Variants in SLC24A3 observed in about 807,000 individuals in gnomAD.
SLC24A3 encodes the protein sodium/potassium/calcium exchanger 3.
In SLC24A3, 28 loss-of-function variants were observed where a neutral mutation model predicts 75.8. The observed-to-expected ratio is 0.37, with a 90% confidence interval of 0.27 to 0.51. The LOEUF (loss-of-function observed/expected upper bound fraction) is 0.51. SLC24A3 is among the 20% of genes least tolerant of loss of function. The pLI, the probability that SLC24A3 is intolerant of heterozygous loss-of-function variation, is 0.94. For synonymous variants in SLC24A3, 372 were observed against 334.1 expected (o/e 1.11, Z -1.24); for missense variants, 663 against 847.8 (o/e 0.78, Z 2.71).
At chr20:19,545,091 G>T (rs1020104281) in intron 3 of SLC24A3, among the ~76,000 whole-genome samples, 23 of 152,204 alleles carry the variant, frequency 1.5e-4, no homozygotes, top group African/African-American at 5.3e-4. Context: ...CAGCTCTATT[G>T]TTTTGCTTCC....
At chr20:19,485,242 G>T (rs926651743) in intron 2 of SLC24A3, among the ~76,000 whole-genome samples, 1 of 152,150 alleles carries the variant, frequency 6.6e-6, no homozygotes, top group Non-Finnish European at 1.5e-5. Flanking sequence ...AGCCCAGTTT[G>T]CCAACACTGG....
intron 9 of SLC24A3, among the ~76,000 whole-genome samples, chr20:19,676,965 A>C (rs2032531746): frequency 6.6e-6 from 1 of 152,202 alleles, no homozygotes; most frequent in Non-Finnish European, 1.5e-5. Context: ...TCTGCAAAAC[A>C]AGATTAATAA....
intron 2 of SLC24A3, among the ~76,000 whole-genome samples, chr20:19,360,930 C>T (rs1370958815): frequency 2.6e-5 from 4 of 152,088 alleles, no homozygotes; most frequent in East Asian, 1.9e-4. Flanking sequence ...GGGTTCACGC[C>T]GTTCTCCTGC....
chr20:19,672,026 G>C (rs1468567729), intron 8 of SLC24A3, among the ~76,000 whole-genome samples: 3 of 152,122 alleles, frequency 2.0e-5, no homozygotes, highest in Admixed American at 6.5e-5. Flanking sequence ...TCTCCTTTCA[G>C]ATGCTACCAG....
At chr20:19,464,105 T>A (rs1002618986) in intron 2 of SLC24A3, among the ~76,000 whole-genome samples, 1 of 152,202 alleles carries the variant, frequency 6.6e-6, no homozygotes, top group Non-Finnish European at 1.5e-5. Flanking sequence ...TGGAGAAAGG[T>A]GTCATGAAAG....
chr20:19,571,942 T>G (rs1254361390), intron 3 of SLC24A3, among the ~76,000 whole-genome samples: 1 of 152,164 alleles, frequency 6.6e-6, no homozygotes, highest in Non-Finnish European at 1.5e-5. Flanking sequence ...GAAGCAGACC[T>G]TGAGACAAGG....
At chr20:19,631,641 T>C (rs2031934812) in intron 6 of SLC24A3, among the ~76,000 whole-genome samples, 1 of 152,206 alleles carries the variant, frequency 6.6e-6, no homozygotes, top group African/African-American at 2.4e-5. Context: ...GGCATTGTAC[T>C]GCACGTTGCT....
intron 3 of SLC24A3, among the ~76,000 whole-genome samples, chr20:19,532,164 C>T (rs1323558306): frequency 3.3e-5 from 5 of 152,298 alleles, no homozygotes; most frequent in South Asian, 2.1e-4. Context: ...ATCTAGACGA[C>T]GGATCTAAGA....
At chr20:19,486,959 G>A (rs1988135651) in intron 2 of SLC24A3, among the ~76,000 whole-genome samples, 1 of 152,194 alleles carries the variant, frequency 6.6e-6, no homozygotes, top group Non-Finnish European at 1.5e-5. Context: ...CTTCTCTGGA[G>A]GGCAGTTAGA....
At chr20:19,364,667 C>G (rs1235381199) in intron 2 of SLC24A3, among the ~76,000 whole-genome samples, 1 of 152,148 alleles carries the variant, frequency 6.6e-6, no homozygotes, top group East Asian at 1.9e-4. Flanking sequence ...GTTGCCCAGG[C>G]TGGTCTCAAA....
chr20:19,660,150 A>G (rs556841068), intron 7 of SLC24A3, among the ~76,000 whole-genome samples: 1 of 152,122 alleles, frequency 6.6e-6, no homozygotes, highest in Admixed American at 6.5e-5. Context: ...TTTTATTTCA[A>G]TGGCTTTTGA....
At chr20:19,565,858 A>T (rs2030949342) in intron 3 of SLC24A3, among the ~76,000 whole-genome samples, 1 of 152,132 alleles carries the variant, frequency 6.6e-6, no homozygotes, top group African/African-American at 2.4e-5. Flanking sequence ...CTAAATTTGG[A>T]TGAATGCTGA....
intron 6 of SLC24A3, among the ~76,000 whole-genome samples, chr20:19,634,167 T>G (rs978197265): frequency 6.6e-6 from 1 of 152,164 alleles, no homozygotes. Flanking sequence ...GTAGTGGTGT[T>G]TATGTGCTAT....
At chr20:19,239,595 A>G (rs1184808035) in intron 1 of SLC24A3, among the ~76,000 whole-genome samples, 4 of 152,088 alleles carry the variant, frequency 2.6e-5, no homozygotes, top group Non-Finnish European at 5.9e-5. Context: ...TCCTCCATTC[A>G]CTTCAGCTGG....
chr20:19,350,144 A>T (rs1480748800), intron 2 of SLC24A3, among the ~76,000 whole-genome samples: 3 of 152,208 alleles, frequency 2.0e-5, no homozygotes, highest in South Asian at 4.1e-4. Flanking sequence ...TCTGCTATTT[A>T]TAAGGACTGA....
At chr20:19,687,269 C>T (rs1430985990) in intron 12 of SLC24A3, among the ~76,000 whole-genome samples, 2 of 152,184 alleles carry the variant, frequency 1.3e-5, no homozygotes, top group Non-Finnish European at 2.9e-5. Context: ...AGCCACAGAG[C>T]CCCTCCACCT....
At chr20:19,544,674 A>C (rs912231506) in intron 3 of SLC24A3, among the ~76,000 whole-genome samples, 1 of 152,200 alleles carries the variant, frequency 6.6e-6, no homozygotes, top group Non-Finnish European at 1.5e-5. Context: ...GATAACCACC[A>C]GTGCAAAATT....
At chr20:19,494,139 A>G (rs1033108398) in intron 2 of SLC24A3, among the ~76,000 whole-genome samples, 1 of 144,414 alleles carries the variant, frequency 6.9e-6, no homozygotes, top group Non-Finnish European at 1.5e-5. Context: ...ACCAGGCCCC[A>G]TGTGCCCAGC....
At chr20:19,399,416 A>G (rs1986512703) in intron 2 of SLC24A3, among the ~76,000 whole-genome samples, 1 of 152,098 alleles carries the variant, frequency 6.6e-6, no homozygotes, top group Non-Finnish European at 1.5e-5. Context: ...ACTTGATGAC[A>G]TCTGGCAATG....
Sources: gnomAD v4.1 joint callset for allele counts (sites outside exome capture counted in the v4.1 genomes callset) on GRCh38, gnomAD v4.1.1 for gene constraint, MANE v1.5 for transcripts, NCBI Gene and HGNC (gene_info 2026-07-23, HGNC 2026-07-21) for gene names.